Variants in FHIT observed in about 807,000 individuals in gnomAD.
The protein encoded by FHIT is bis(5'-adenosyl)-triphosphatase.
A neutral mutation model predicts 17.9 loss-of-function variants in FHIT; 19 were observed. The observed-to-expected ratio is 1.06, with a 90% confidence interval of 0.74 to 1.56. The LOEUF is 1.56. Among genes scored for constraint, FHIT ranks in the 40% most tolerant of loss-of-function variants. The probability of loss-of-function intolerance (pLI) is 0.00; values close to 1 mark genes in which losing one functional copy is unlikely to be tolerated. For synonymous variants in FHIT, 81 were observed against 69.7 expected (o/e 1.16, Z -0.81); for missense variants, 248 against 189.2 (o/e 1.31, Z -1.82).
intron 5 of FHIT, among the ~76,000 whole-genome samples, chr3:60,523,726 T>C (rs562984410): frequency 6.6e-6 from 1 of 152,314 alleles, no homozygotes; most frequent in Non-Finnish European, 1.5e-5. Flanking sequence ...GCTGAGGAAA[T>C]AACTGATTTC....
At chr3:61,074,909 C>T (rs1181440483) in intron 2 of FHIT, among the ~76,000 whole-genome samples, 1 of 152,102 alleles carries the variant, frequency 6.6e-6, no homozygotes, top group East Asian at 1.9e-4. Flanking sequence ...GTGTGTGAAC[C>T]TTTGTGAAAA....
At chr3:59,911,544 T>G (rs1409068311) in intron 8 of FHIT, among the ~76,000 whole-genome samples, 1 of 152,186 alleles carries the variant, frequency 6.6e-6, no homozygotes, top group Non-Finnish European at 1.5e-5. Context: ...CCTTGGTGAT[T>G]TGATTCTGGA....
At chr3:59,831,037 C>T (rs987060481) in intron 8 of FHIT, among the ~76,000 whole-genome samples, 1 of 152,058 alleles carries the variant, frequency 6.6e-6, no homozygotes, top group Non-Finnish European at 1.5e-5. Flanking sequence ...AGCATAGTAT[C>T]CGATGTTACC....
intron 5 of FHIT, among the ~76,000 whole-genome samples, chr3:60,515,668 A>G (rs191054966): frequency 4.9e-4 from 74 of 152,226 alleles, no homozygotes; most frequent in African/African-American, 1.7e-3. Context: ...TATAATTCTC[A>G]TAACAATAGA....
chr3:60,642,614 C>A (rs2039754800), intron 4 of FHIT, among the ~76,000 whole-genome samples: 1 of 152,162 alleles, frequency 6.6e-6, no homozygotes, highest in African/African-American at 2.4e-5. Context: ...AATGTGGTTG[C>A]ATTTTCCATT....
At chr3:61,175,292 A>T (rs2038124783) in intron 2 of FHIT, among the ~76,000 whole-genome samples, 1 of 152,164 alleles carries the variant, frequency 6.6e-6, no homozygotes, top group African/African-American at 2.4e-5. Flanking sequence ...TAGGTAAAAT[A>T]TACTCCCGAG....
intron 5 of FHIT, among the ~76,000 whole-genome samples, chr3:60,154,969 G>T (rs568821369): frequency 1.3e-5 from 2 of 152,190 alleles, no homozygotes; most frequent in African/African-American, 4.8e-5. Context: ...GGAGGCCAAG[G>T]TGAGAGGATC....
At chr3:59,845,535 G>A (rs946135731) in intron 8 of FHIT, among the ~76,000 whole-genome samples, 1 of 151,890 alleles carries the variant, frequency 6.6e-6, no homozygotes. Context: ...ATTTAATCCA[G>A]TTGTTGCTTA....
chr3:60,450,840 T>C (rs1210940534), intron 5 of FHIT, among the ~76,000 whole-genome samples: 1 of 152,184 alleles, frequency 6.6e-6, no homozygotes, highest in East Asian at 1.9e-4. Context: ...TATATACCAA[T>C]TTAAGAATTA....
chr3:59,994,218 A>G (rs1478844286), intron 7 of FHIT, among the ~76,000 whole-genome samples: 5 of 152,106 alleles, frequency 3.3e-5, no homozygotes, highest in African/African-American at 1.2e-4. Context: ...AAAAATCTTC[A>G]CAAACTGCAA....
At chr3:60,520,521 G>A (rs893654756) in intron 5 of FHIT, among the ~76,000 whole-genome samples, 1 of 152,134 alleles carries the variant, frequency 6.6e-6, no homozygotes. Context: ...CGTCTAGAGA[G>A]CATGTCAGTC....
chr3:60,528,035 G>A (rs973352001), intron 5 of FHIT, among the ~76,000 whole-genome samples: 6 of 152,200 alleles, frequency 3.9e-5, no homozygotes, highest in Non-Finnish European at 8.8e-5. Flanking sequence ...GTGCAGAGGT[G>A]CAATCACAGC....
rs557208933 is a variant in FHIT at position 60,427,557 on chromosome 3, C to G, written c.103+109303G>C. ...TGTATTACACAGCAATAGCAATCTCCCGTACCCTCTGCCTTCCCTCTGTCT... is the reference window on the plus strand; with the variant it reads ...TGTATTACACAGCAATAGCAATCTCGCGTACCCTCTGCCTTCCCTCTGTCT... On this transcript the variant is annotated intron_variant, in intron 5 of 9. Coordinates refer to ENST00000492590, the MANE Select transcript of FHIT (RefSeq NM_002012.4). 4.6e-5 allele frequency among the ~76,000 whole-genome samples: 7 copies of G among 152,188 alleles called. No individual in the cohort carries two copies. The East Asian group carries it at 1.4e-3, about 29-fold the overall frequency.
At chr3:60,039,989 T>C (rs1440422911) in intron 5 of FHIT, among the ~76,000 whole-genome samples, 1 of 152,198 alleles carries the variant, frequency 6.6e-6, no homozygotes, top group East Asian at 1.9e-4. Flanking sequence ...ATATGCCAGG[T>C]ATGATATGGT....
chr3:60,927,411 C>G (rs1553770281), intron 3 of FHIT, among the ~76,000 whole-genome samples: 1 of 152,136 alleles, frequency 6.6e-6, no homozygotes, highest in Non-Finnish European at 1.5e-5. Context: ...GCCACCCTGT[C>G]TAGGAAGTGA....
At chr3:60,148,315 T>C (rs962995266) in intron 5 of FHIT, among the ~76,000 whole-genome samples, 7 of 152,188 alleles carry the variant, frequency 4.6e-5, no homozygotes, top group African/African-American at 1.4e-4. Context: ...AACTGGATGA[T>C]AGTACTTTGC....
At chr3:61,045,508 A>G (rs889767502) in intron 2 of FHIT, among the ~76,000 whole-genome samples, 5 of 152,192 alleles carry the variant, frequency 3.3e-5, no homozygotes, top group African/African-American at 1.2e-4. Flanking sequence ...AGAGACTTAA[A>G]AAGAGACTTA....
intron 2 of FHIT, among the ~76,000 whole-genome samples, chr3:61,099,668 T>C (rs1304272314): frequency 6.6e-6 from 1 of 152,156 alleles, no homozygotes; most frequent in Admixed American, 6.5e-5. Flanking sequence ...TAGGAATTTA[T>C]TCATTTCTTC....
intron 5 of FHIT, among the ~76,000 whole-genome samples, chr3:60,287,451 G>A (rs993580123): frequency 6.6e-6 from 1 of 152,200 alleles, no homozygotes; most frequent in Non-Finnish European, 1.5e-5. Context: ...TTACAGGCAT[G>A]AGCCACCACA....
Sources: allele counts gnomAD v4.1 joint callset (sites outside exome capture counted in the v4.1 genomes callset), GRCh38; gene constraint gnomAD v4.1.1; transcripts MANE v1.5; gene names NCBI Gene and HGNC (gene_info 2026-07-23, HGNC 2026-07-21).